The following MTAP variants were observed in gnomAD, a reference collection of about 807,000 sequenced individuals.
The protein encoded by MTAP is S-methyl-5'-thioadenosine phosphorylase.
MTAP carries 33 observed loss-of-function variants against 33.6 expected under a neutral mutation model. That is an observed-to-expected ratio of 0.98 (90% CI 0.74 to 1.31). The LOEUF is 1.31. MTAP is among the 40% of genes most tolerant of loss of function. The pLI is 0.00. For synonymous variants in MTAP, 148 were observed against 125.7 expected, an observed-to-expected ratio of 1.18 and a Z score of -1.19; for missense variants, 367 against 360.0, an observed-to-expected ratio of 1.02 and a Z score of -0.16.
chr9:21,825,349 T>A (rs951436683), intron 4 of MTAP, among the ~76,000 whole-genome samples: 1 of 152,238 alleles, frequency 6.6e-6, no homozygotes, highest in East Asian at 1.9e-4. Flanking sequence ...GAAGTGCTGA[T>A]GTCTTTCTTG....
At chr9:21,936,419 T>C (rs1819042354) in exon 8 of MTAP, 1 of 152,226 alleles carries the variant, frequency 6.6e-6, no homozygotes, top group African/African-American at 2.4e-5. Flanking sequence ...TACTTTTCTT[T>C]CTCAATAGCT....
intron 4 of MTAP, among the ~76,000 whole-genome samples, chr9:21,823,072 C>T (rs548566944): frequency 1.3e-5 from 2 of 152,158 alleles, no homozygotes; most frequent in African/African-American, 4.8e-5. Context: ...TGGGTCTTGA[C>T]TCTTTATCCA....
At chr9:21,817,351 T>G (rs1824501566) in intron 3 of MTAP, among the ~76,000 whole-genome samples, 1 of 152,038 alleles carries the variant, frequency 6.6e-6, no homozygotes, top group African/African-American at 2.4e-5. Flanking sequence ...TAGTTCCTGT[T>G]GGTCAGAAGT....
At chr9:21,830,988 GTT>G (rs35464546) in intron 4 of MTAP, among the ~76,000 whole-genome samples, 1 of 152,172 alleles carries the variant, frequency 6.6e-6, no homozygotes, top group Non-Finnish European at 1.5e-5. Flanking sequence ...AAGCAAGACT[GTT>G]TCCCTGCCAG....
chr9:21,818,023 C>G lies in MTAP; in HGVS notation c.180-12C>G, dbSNP rs745886047. On this transcript the variant is annotated splice_polypyrimidine_tract_variant and intron_variant, in intron 3 of 7. Transcript: ENST00000644715. The stretch of plus-strand genomic sequence containing the variant: ...TCATCACGGGTTAACAATTTCTTCT[C>G]TCCTTCCATAGGCATGGAAGGCAGC... The G allele has an allele frequency of 3.7e-6, 6 of 1,601,348 alleles. No homozygotes were observed. The Admixed American group carries it at 7.1e-5, about 19-fold the overall frequency.
At chr9:21,878,100 C>T (rs1826036619) in intron 1 of MTAP, among the ~76,000 whole-genome samples, 1 of 152,032 alleles carries the variant, frequency 6.6e-6, no homozygotes, top group South Asian at 2.1e-4. Context: ...TGTATGTTTC[C>T]AGGAAATTAT....
At chr9:21,888,972 T>G (rs1201004239) in intron 1 of MTAP, among the ~76,000 whole-genome samples, 1 of 151,846 alleles carries the variant, frequency 6.6e-6, no homozygotes, top group Non-Finnish European at 1.5e-5. Flanking sequence ...TAGAAGAGAG[T>G]GGGGTCCTAT....
chr9:21,811,035 G>A (rs1824332912), intron 1 of MTAP, among the ~76,000 whole-genome samples: 2 of 152,164 alleles, frequency 1.3e-5, no homozygotes, highest in Admixed American at 1.3e-4. Context: ...AAATTGTTAT[G>A]GCAACCAGAG....
At chr9:21,861,872 G>T (rs548118434) in intron 7 of MTAP, 104 bp from the exon 8 acceptor site, 2 of 790,466 alleles carry the variant, frequency 2.5e-6, no homozygotes, top group Non-Finnish European at 2.2e-6. Context: ...TGTTTCCTGC[G>T]TCCTCACTTT....
chr9:21,925,870 T>C (rs1373137830), intron 1 of MTAP, among the ~76,000 whole-genome samples: 1 of 152,170 alleles, frequency 6.6e-6, no homozygotes, highest in Non-Finnish European at 1.5e-5. Flanking sequence ...GGTGCTTATG[T>C]CTTCATGGGC....
chr9:21,830,927 A>T (rs1199466369), intron 4 of MTAP, among the ~76,000 whole-genome samples: 1 of 152,172 alleles, frequency 6.6e-6, no homozygotes, highest in Non-Finnish European at 1.5e-5. Flanking sequence ...ATGATGCATT[A>T]TAAAGTGGTG....
At chr9:21,815,643 C>T (rs1363406340) in intron 2 of MTAP, 124 bp downstream of exon 2, 12 of 719,332 alleles carry the variant, frequency 1.7e-5, no homozygotes, top group Non-Finnish European at 2.6e-5. Context: ...CTGTCTGCTC[C>T]CAGCAGAGAG....
intron 1 of MTAP, among the ~76,000 whole-genome samples, chr9:21,928,382 C>T (rs779465862): frequency 2.6e-5 from 4 of 152,156 alleles, no homozygotes; most frequent in Non-Finnish European, 5.9e-5. Context: ...TAAGTCAAAT[C>T]CAAAGGAGAG....
At position 21,863,396 on chromosome 9, in the gene MTAP, A is replaced by C. The variant is rs1356652058; in HGVS notation, c.*1382A>C. ...GCCGAGACGGGTGGATCACAAGGTC[A>C]GGAGATCGAGACCATCCTGGCTAAT... On this transcript the variant is annotated 3_prime_UTR_variant, in exon 8 of 8. Transcript: ENST00000644715. 1 of 796,300 alleles carries C rather than the reference A, an allele frequency of 1.3e-6. No individual in the cohort carries two copies. The highest frequency in any genetic ancestry group is 1.3e-4 in the East Asian group (1 of 7,922). 49.3% of individuals were successfully genotyped at this position (796,300 alleles called of 1,614,324 possible). A position where few individuals can be genotyped will look rare whatever the true frequency, so the allele number is the denominator to read the frequency against.
At chr9:21,929,245 G>C (rs371680532) in intron 1 of MTAP, among the ~76,000 whole-genome samples, 1 of 152,260 alleles carries the variant, frequency 6.6e-6, no homozygotes, top group East Asian at 1.9e-4. Flanking sequence ...GGCACTGGAA[G>C]ACCTGAAATT....
At chr9:21,838,105 A>G in intron 5 of MTAP, 95 bp downstream of exon 5, 2 of 922,324 alleles carry the variant, frequency 2.2e-6, no homozygotes, top group Non-Finnish European at 1.7e-6. Flanking sequence ...GTGGCCCCAT[A>G]CCCTCACTCA....
chr9:21,806,226 T>C (rs1824204356), intron 1 of MTAP, among the ~76,000 whole-genome samples: 1 of 151,672 alleles, frequency 6.6e-6, no homozygotes, highest in South Asian at 2.1e-4. Context: ...AAGTCTAGGG[T>C]GGGAGCCATG....
chr9:21,862,206 C>A lies in MTAP; in HGVS notation c.*192C>A. ...GAATGATTTAGACAACTTCAAAATA[C>A]AGAAGAAAAGCAAATGACTAGTAAA... On this transcript the variant is annotated 3_prime_UTR_variant, in exon 8 of 8. Transcript: ENST00000644715. The A allele has an allele frequency of 1.1e-5, 14 of 1,307,706 alleles. No individual in the cohort carries two copies. The Admixed American group carries it at 1.1e-4, about 10-fold the overall frequency. 81.0% of individuals were successfully genotyped at this position (1,307,706 alleles called of 1,614,324 possible).
Position 21,854,669 on chromosome 9 carries a change from C to T in MTAP, c.489C>T (p.Cys163=), listed in dbSNP as rs781632318. 1.2e-6 allele frequency: 2 copies of T among 1,607,396 alleles called. No individual in the cohort carries two copies. The highest frequency in any genetic ancestry group is 2.2e-5 in the East Asian group (1 of 44,720). ...CTGCTAAGAAGCTAGGACTCCGGTG[C>T]CACTCAAAGGGGACAATGGTCACAA... The part of the protein sequence containing the change: ...IETAKKLGLR[C]HSKGTMVTIE... Residue 163 remains cysteine, a synonymous_variant, in exon 6 of 8, where the codon TGC becomes TGT. Transcript: ENST00000644715.
Sources: gnomAD v4.1 joint callset for allele counts (sites outside exome capture counted in the v4.1 genomes callset) on GRCh38, gnomAD v4.1.1 for gene constraint, MANE v1.5 for transcripts, NCBI Gene and HGNC (gene_info 2026-07-23, HGNC 2026-07-21) for gene names.